CPEB3: variants seen among roughly 807,000 people sequenced by gnomAD.
The protein encoded by CPEB3 is cytoplasmic polyadenylation element-binding protein 3.
CPEB3 carries 20 observed loss-of-function variants against 67.2 expected under a neutral mutation model. The ratio of observed to expected loss-of-function variants is 0.30; its 90% confidence interval spans 0.21 to 0.43. CPEB3 has a LOEUF of 0.43. Ranked by LOEUF, CPEB3 falls within the 20% of genes least tolerant of loss-of-function variation. The pLI is 1.00. For missense variants in CPEB3, 746 were observed against 968.6 expected (o/e 0.77, Z 3.05); for synonymous variants, 376 against 393.1 (o/e 0.96, Z 0.51).
chr10:92,193,793 CT>C (rs200892287), intron 2 of CPEB3, among the ~76,000 whole-genome samples: 148 of 143,624 alleles, frequency 1.0e-3, no homozygotes, highest in East Asian at 6.5e-3. Context: ...TTTAACATTT[CT>C]TTTTTTTTTT....
chr10:92,233,917 G>T (rs1851396119), intron 2 of CPEB3, among the ~76,000 whole-genome samples: 1 of 152,096 alleles, frequency 6.6e-6, no homozygotes, highest in African/African-American at 2.4e-5. Context: ...GACCAGCCTG[G>T]CCAACATAGT....
At chr10:92,280,876 C>T (rs1842265713) in intron 1 of CPEB3, among the ~76,000 whole-genome samples, 1 of 149,934 alleles carries the variant, frequency 6.7e-6, no homozygotes, top group Non-Finnish European at 1.5e-5. Context: ...TCTCCTGCCT[C>T]AGCCTCCTGA....
intron 8 of CPEB3, among the ~76,000 whole-genome samples, chr10:92,085,604 T>C (rs898078613): frequency 2.0e-5 from 3 of 151,956 alleles, no homozygotes; most frequent in Non-Finnish European, 4.4e-5. Context: ...TGATTCTTTT[T>C]TCTTTTTTCT....
At chr10:92,221,921 G>A (rs1012717367) in intron 2 of CPEB3, among the ~76,000 whole-genome samples, 32 of 152,138 alleles carry the variant, frequency 2.1e-4, no homozygotes, top group Admixed American at 1.8e-3. Context: ...AGCAGAGAAC[G>A]AGCCTTTACC....
chr10:92,117,513 G>C (rs1286235641), intron 6 of CPEB3, among the ~76,000 whole-genome samples: 1 of 150,026 alleles, frequency 6.7e-6, no homozygotes, highest in Non-Finnish European at 1.5e-5. Context: ...TGTATTTTTA[G>C]TAGAGACGGG....
chr10:92,113,794 A>G (rs1213477467), intron 6 of CPEB3, among the ~76,000 whole-genome samples: 2 of 143,838 alleles, frequency 1.4e-5, no homozygotes, highest in Non-Finnish European at 3.0e-5. Flanking sequence ...AAAAGCACGC[A>G]GATTTTCACT....
chr10:92,158,222 TA>T (rs887173300), intron 4 of CPEB3, among the ~76,000 whole-genome samples: 2 of 152,204 alleles, frequency 1.3e-5, no homozygotes, highest in African/African-American at 2.4e-5. Flanking sequence ...GCAGACACTA[TA>T]TTTTTTTAAA....
intron 2 of CPEB3, among the ~76,000 whole-genome samples, chr10:92,229,068 G>A (rs59174658): frequency 6.6e-6 from 1 of 151,454 alleles, no homozygotes; most frequent in East Asian, 1.9e-4. Context: ...CTGTCACCTA[G>A]GCTGGAATGC....
At chr10:92,085,367 G>A (rs780104282) in intron 8 of CPEB3, among the ~76,000 whole-genome samples, 35 of 152,108 alleles carry the variant, frequency 2.3e-4, no homozygotes, top group Admixed American at 3.9e-4. Context: ...GTGATCCTAA[G>A]ACAACTTAAG....
intron 3 of CPEB3, among the ~76,000 whole-genome samples, chr10:92,182,278 T>A (rs1848494078): frequency 6.6e-6 from 1 of 152,238 alleles, no homozygotes; most frequent in African/African-American, 2.4e-5. Flanking sequence ...CACAGTTTTA[T>A]ATTACATAAT....
At position 92,047,958 on chromosome 10, in the gene CPEB3, C is replaced by T. The variant is rs1014106621; in HGVS notation, c.*4254G>A. ...GACTGTAGGTGCTATTGCAATGACA[C>T]ATTAATGACTGTGCCTTAACTGCCC... is the stretch of plus-strand genomic sequence containing the variant. On this transcript the variant is annotated 3_prime_UTR_variant, in exon 10 of 10. Coordinates refer to ENST00000265997, the MANE Select transcript of CPEB3 (RefSeq NM_014912.5). 1.3e-5 allele frequency: 2 copies of T among 152,238 alleles called. No homozygotes were observed. Among genetic ancestry groups the T allele is most frequent in the African/African-American group, 4.8e-5 (2 of 41,448 alleles). The allele number at this position is 152,238 out of a possible 1,614,324, so 9.4% of individuals were successfully genotyped here. A position where few individuals can be genotyped will look rare whatever the true frequency, so the allele number is the denominator to read the frequency against.
chr10:92,165,965 T>C (rs1847719283), intron 4 of CPEB3, among the ~76,000 whole-genome samples: 1 of 152,232 alleles, frequency 6.6e-6, no homozygotes, highest in Non-Finnish European at 1.5e-5. Flanking sequence ...TCAGTGTTGA[T>C]ATTTTGACCT....
At chr10:92,278,176 C>T (rs1036475810) in intron 1 of CPEB3, among the ~76,000 whole-genome samples, 1 of 150,508 alleles carries the variant, frequency 6.6e-6, no homozygotes, top group Non-Finnish European at 1.5e-5. Context: ...CAGAGCAAGG[C>T]TCCATCTCAA....
chr10:92,218,151 G>A (rs1412813912), intron 2 of CPEB3, among the ~76,000 whole-genome samples: 1 of 152,098 alleles, frequency 6.6e-6, no homozygotes, highest in Non-Finnish European at 1.5e-5. Flanking sequence ...GCTCACACCT[G>A]TAATCCCAGC....
intron 1 of CPEB3, among the ~76,000 whole-genome samples, chr10:92,286,073 C>G (rs1486062150): frequency 6.6e-6 from 1 of 151,564 alleles, no homozygotes; most frequent in South Asian, 2.1e-4. Context: ...GTAGCTGGGA[C>G]TACAGGCGCC....
intron 1 of CPEB3, among the ~76,000 whole-genome samples, chr10:92,287,766 TTA>T (rs1842599953): frequency 6.6e-6 from 1 of 152,330 alleles, no homozygotes; most frequent in East Asian, 1.9e-4. Flanking sequence ...TAATCTAATT[TTA>T]TCTTATTTGT....
At chr10:92,065,603 G>GT (rs986146674) in intron 9 of CPEB3, among the ~76,000 whole-genome samples, 56 of 152,018 alleles carry the variant, frequency 3.7e-4, no homozygotes, top group Non-Finnish European at 7.1e-4. Context: ...CCAGTTCACT[G>GT]TTTTTTTTAG....
At chr10:92,188,160 C>T (rs1848781197) in intron 3 of CPEB3, among the ~76,000 whole-genome samples, 1 of 151,880 alleles carries the variant, frequency 6.6e-6, no homozygotes. Context: ...TGTGCCACTG[C>T]ACTCCAGCCT....
chr10:92,081,177 A>T (rs1843137800), intron 9 of CPEB3, 143 bp downstream of exon 9: 2 of 835,298 alleles, frequency 2.4e-6, no homozygotes, highest in Admixed American at 4.2e-5. Context: ...TCTCTTTTTC[A>T]GGCAGCCTAG....
Sources: allele counts gnomAD v4.1 joint callset (sites outside exome capture counted in the v4.1 genomes callset), GRCh38; gene constraint gnomAD v4.1.1; transcripts MANE v1.5; gene names NCBI Gene and HGNC (gene_info 2026-07-23, HGNC 2026-07-21).